Variants in MYH2 observed in about 807,000 individuals in gnomAD.
The protein encoded by MYH2 is myosin heavy chain 2, also known as myosin-2.
A neutral mutation model predicts 228.1 loss-of-function variants in MYH2; 139 were observed. The observed-to-expected ratio is 0.61, with a 90% CI of 0.53 to 0.70. MYH2 has a LOEUF of 0.70. Among genes scored for constraint, MYH2 ranks in the 30% least tolerant of loss-of-function variants. MYH2 has a pLI of 0.00. For missense variants in MYH2, 1,809 were observed against 2,357.5 expected (o/e 0.77, Z 4.82); for synonymous variants, 796 against 871.1 (o/e 0.91, Z 1.52).
chr17:10,539,057 A>G (rs2073518057), intron 14 of MYH2, 148 bp downstream of exon 14: 1 of 1,398,584 alleles, frequency 7.2e-7, no homozygotes, highest in African/African-American at 1.4e-5. Flanking sequence ...TGGAATTGGT[A>G]CTACAATAAC....
intron 16 of MYH2, among the ~76,000 whole-genome samples, chr17:10,536,924 C>G (rs2073488082): frequency 6.6e-6 from 1 of 152,104 alleles, no homozygotes; most frequent in African/African-American, 2.4e-5. Flanking sequence ...CACTCTGTTG[C>G]CTAAGATTTA....
chr17:10,531,376 T>C (rs1024019843), intron 22 of MYH2, among the ~76,000 whole-genome samples: 4 of 152,196 alleles, frequency 2.6e-5, no homozygotes, highest in Non-Finnish European at 5.9e-5. Context: ...AGAAAATAAG[T>C]CAAAAATCTT....
chr17:10,525,174 G>A lies in MYH2; in HGVS notation c.4662+50C>T, dbSNP rs1468805269. 6.2e-7 allele frequency: 1 copy of A among 1,613,568 alleles called. No homozygotes were observed. The highest frequency in any genetic ancestry group is 8.5e-7 in the Non-Finnish European group (1 of 1,179,836). ...GTCTTTTTATTCACTCTATGCAGAT[G>A]TACCTAATTATTTTCCAGATTTTTT... On this transcript the variant is annotated intron_variant, in intron 33 of 39. Coordinates refer to ENST00000245503, the MANE Select transcript of MYH2 (RefSeq NM_017534.6). This position sits in a 1 kb window ranked among gnomAD's most constrained non-coding sequence, Gnocchi z 4.2.
rs766497888 is a variant in MYH2 at position 10,537,191 on chromosome 17, T to C, written c.1897+42A>G. On this transcript the variant is annotated intron_variant, in intron 16 of 39. Coordinates refer to ENST00000245503, the MANE Select transcript of MYH2 (RefSeq NM_017534.6). This position sits in a 1 kb window ranked among gnomAD's most constrained non-coding sequence, Gnocchi z 4.0. Reference sequence around the variant, plus strand: ...TCACTAGCTTCAATTTAACATCACATTTTGTAATACCTAGAGAGTATTATT... The same window carrying C: ...TCACTAGCTTCAATTTAACATCACACTTTGTAATACCTAGAGAGTATTATT... The C allele has an allele frequency of 6.2e-7, 1 of 1,611,570 alleles. No homozygotes were observed. The highest frequency in any genetic ancestry group is 1.1e-5 in the South Asian group (1 of 91,052).
intron 27 of MYH2, 65 bp from the exon 28 acceptor site, chr17:10,527,939 G>T: frequency 6.4e-7 from 1 of 1,568,126 alleles, no homozygotes. Context: ...CACCTTTGCA[G>T]TTACTGTAAC....
At position 10,528,887 on chromosome 17, in the gene MYH2, C is replaced by T. The variant is rs2073388122; in HGVS notation, c.3547G>A (p.Asp1183Asn). The change falls in exon 27 of 40, where the codon GAC (aspartate) becomes AAC (asparagine). Residue 1183 changes from aspartate (D) to asparagine (N), a missense_variant. This residue lies in a region of MYH2 where 636 missense variants were observed against 729.9 expected (regional missense o/e 0.87). Transcript: ENST00000245503. ...TGCTGTAGGGTGGCCTCCTCCAGGT[C>T]CCTGCGCATTTTCTGGAACTCAGCC... ...REAEFQKMRR[D>N]LEEATLQHEA... 6.2e-7 allele frequency: 1 copy of T among 1,614,224 alleles called. No individual in the cohort carries two copies. Among genetic ancestry groups the T allele is most frequent in the South Asian group, 1.1e-5 (1 of 91,088 alleles).
chr17:10,540,588 A>G lies in MYH2; in HGVS notation c.1008+6T>C, dbSNP rs2073539946. 6.3e-7 allele frequency: 1 copy of G among 1,595,448 alleles called. No individual in the cohort carries two copies. Reference sequence around the variant, plus strand: ...AATAATTCCAATTTTCTTGTGTTCTACTTACATCTGTGGCCATCAGTTCTT... The same window carrying G: ...AATAATTCCAATTTTCTTGTGTTCTGCTTACATCTGTGGCCATCAGTTCTT... On this transcript the variant is annotated splice_donor_region_variant and intron_variant, in intron 11 of 39. Transcript: ENST00000245503.
intron 5 of MYH2, among the ~76,000 whole-genome samples, chr17:10,544,547 T>C (rs1235355790): frequency 6.6e-6 from 1 of 152,204 alleles, no homozygotes; most frequent in African/African-American, 2.4e-5. Flanking sequence ...TAGGGACATA[T>C]ATATTGTGGG....
intron 11 of MYH2, 134 bp from the exon 12 acceptor site, chr17:10,540,200 A>C: frequency 7.9e-7 from 1 of 1,260,626 alleles, no homozygotes; most frequent in Non-Finnish European, 1.1e-6. Flanking sequence ...GATTGGGTAT[A>C]TAGAGAGTTG....
chr17:10,544,023 A>G lies in MYH2; in HGVS notation c.534-7T>C. 6.2e-7 allele frequency: 1 copy of G among 1,614,200 alleles called. No homozygotes were observed. The highest frequency in any genetic ancestry group is 8.5e-7 in the Non-Finnish European group (1 of 1,180,026). Reference sequence around the variant, plus strand: ...CCCTGCACCAGATTCTCCACTGTCAAATCAAAACTCAATCAGATGTGGTCT... The same window carrying G: ...CCCTGCACCAGATTCTCCACTGTCAGATCAAAACTCAATCAGATGTGGTCT... On this transcript the variant is annotated splice_region_variant and splice_polypyrimidine_tract_variant and intron_variant, in intron 6 of 39. Coordinates refer to ENST00000245503, the MANE Select transcript of MYH2 (RefSeq NM_017534.6).
rs1207885638 is a variant in MYH2 at position 10,537,851 on chromosome 17, T to C, written c.1417-16A>G. The C allele has an allele frequency of 2.5e-6, 4 of 1,614,110 alleles. No individual in the cohort carries two copies. The Admixed American group carries it at 5.0e-5, about 20-fold the overall frequency. ...GGCTGTTGAACTAAATAAATAGATA[T>C]GTTTACTTCTCTCTTAAGCAAATTG... On this transcript the variant is annotated splice_polypyrimidine_tract_variant and intron_variant, in intron 14 of 39. Transcript: ENST00000245503. The surrounding 1 kb of genome is among the most constrained non-coding windows in gnomAD (Gnocchi z 4.0).
In MYH2 at chr17:10,528,673, C is replaced by A; in HGVS notation, c.3744+17G>T. The A allele has an allele frequency of 1.2e-6, 2 of 1,613,906 alleles. No homozygotes were observed. Among genetic ancestry groups the A allele is most frequent in the African/African-American group, 1.3e-5 (1 of 75,012 alleles). On this transcript the variant is annotated intron_variant, in intron 27 of 39. Coordinates refer to ENST00000245503, the MANE Select transcript of MYH2 (RefSeq NM_017534.6). ...AATGCATTATTTTCAATAACAATTT[C>A]CCAGAATTTGTAGTACCTTGGCTTT... is the stretch of plus-strand genomic sequence containing the variant.
Position 10,543,904 on chromosome 17 carries a change from G to C in MYH2, c.646C>G (p.Gln216Glu). Residue 216 changes from glutamine to glutamate, a missense_variant and splice_region_variant, in exon 7 of 40, where the codon CAG becomes GAG. Physicochemically the swap from Gln to Glu is conservative, Grantham distance 29. This residue lies in a region of MYH2 where 373 missense variants were observed against 620.4 expected (regional missense o/e 0.60). Coordinates refer to ENST00000245503, the MANE Select transcript of MYH2 (RefSeq NM_017534.6). ...CTGACTGTGACAATCAGACTCACCT[G>C]TATTTTGCCAGAAGTAATTTCTTCC... ...KKEEITSGKI[Q>E]GTLEDQIISA... 1.2e-6 allele frequency: 2 copies of C among 1,614,170 alleles called. No homozygotes were observed. Among genetic ancestry groups the C allele is most frequent in the Non-Finnish European group, 1.7e-6 (2 of 1,180,022 alleles).
In MYH2 at chr17:10,538,683, T is replaced by A. The variant is rs1597455186; in HGVS notation, c.1416+522A>T. 2.0e-5 allele frequency among the ~76,000 whole-genome samples: 3 copies of A among 151,900 alleles called. No individual in the cohort carries two copies. The East Asian group carries it at 5.8e-4, about 29-fold the overall frequency. ...AAATCACCAAAATATTAACATTATA[T>A]ATAAATAGTAGAATTATGTGGAATC... On this transcript the variant is annotated intron_variant, in intron 14 of 39. Coordinates refer to ENST00000245503, the MANE Select transcript of MYH2 (RefSeq NM_017534.6).
intron 39 of MYH2, among the ~76,000 whole-genome samples, 168 bp from the exon 40 acceptor site, chr17:10,521,600 T>TAC (rs374726017): frequency 1.8e-3 from 278 of 150,832 alleles, no homozygotes; most frequent in African/African-American, 5.0e-3. Context: ...TATATATATA[T>TAC]ACACACACAC....
Position 10,533,605 on chromosome 17 carries a change from G to A in MYH2, c.2208C>T (p.Ile736=), listed in dbSNP as rs770660123. 3 of 1,613,986 alleles carry A rather than the reference G, an allele frequency of 1.9e-6. No individual in the cohort carries two copies. Among genetic ancestry groups the A allele is most frequent in the African/African-American group, 1.3e-5 (1 of 74,936 alleles). Residue 736 remains isoleucine, a synonymous_variant, in exon 20 of 40, where the codon ATC becomes ATT. Transcript: ENST00000245503. ...QRYKVLNASA[I]PEGQFIDSKK... ...TGCTATCAATGAATTGCCCTTCAGGGATTGCACTTGCATTTAATACCTTGT... is the reference window on the plus strand; with the variant it reads ...TGCTATCAATGAATTGCCCTTCAGGAATTGCACTTGCATTTAATACCTTGT...
intron 9 of MYH2, 51 bp from the exon 10 acceptor site, chr17:10,543,024 T>C: frequency 6.3e-7 from 1 of 1,586,666 alleles, no homozygotes; most frequent in South Asian, 1.1e-5. Context: ...TCATGTGACA[T>C]GCGAATTTGA....
intron 4 of MYH2, 138 bp downstream of exon 4, chr17:10,547,337 C>A: frequency 8.5e-7 from 1 of 1,172,908 alleles, no homozygotes; most frequent in Non-Finnish European, 1.3e-6. Flanking sequence ...CGATAGCAAT[C>A]ATGAAGCCTT....
chr17:10,525,548 G>T lies in MYH2; in HGVS notation c.4440C>A (p.Ala1480=), dbSNP rs1423708726. ...HAELEASQKE[A]RSLGTELFKI... is the part of the protein sequence containing the mutation. ...TGAACAGCTCAGTGCCAAGGGAACGGGCCTCCTTCTGGGAGGCCTCAAGCT... is the reference window on the plus strand; with the variant it reads ...TGAACAGCTCAGTGCCAAGGGAACGTGCCTCCTTCTGGGAGGCCTCAAGCT... Residue 1480 remains alanine (A), a synonymous_variant, in exon 32 of 40, where the codon GCC becomes GCA. Transcript: ENST00000245503. The surrounding 1 kb of genome is among the most constrained non-coding windows in gnomAD (Gnocchi z 4.2). The T allele has an allele frequency of 6.2e-7, 1 of 1,614,128 alleles. No homozygotes were observed. The highest frequency in any genetic ancestry group is 8.5e-7 in the Non-Finnish European group (1 of 1,180,010).
Sources: gnomAD v4.1 joint callset for allele counts (sites outside exome capture counted in the v4.1 genomes callset) on GRCh38, gnomAD v4.1.1 for gene constraint, gnomAD v4.1.1 regional missense constraint, Gnocchi (gnomAD v3.1) non-coding constraint, MANE v1.5 for transcripts, NCBI Gene and HGNC (gene_info 2026-07-23, HGNC 2026-07-21) for gene names.